The following HCLS1 variants were observed in gnomAD, a reference collection of about 807,000 sequenced individuals.
HCLS1 encodes hematopoietic cell-specific Lyn substrate 1.
In HCLS1, 44 loss-of-function variants were observed where a neutral mutation model predicts 68.6. The ratio of observed to expected loss-of-function variants is 0.64; its 90% CI spans 0.50 to 0.82. HCLS1 has a LOEUF of 0.82. Among genes scored for constraint, HCLS1 ranks in the 40% least tolerant of loss-of-function variants. HCLS1 has a pLI of 0.00. For synonymous variants in HCLS1, 217 were observed against 225.8 expected, an observed-to-expected ratio of 0.96 and a Z score of 0.35; for missense variants, 602 against 612.1, an observed-to-expected ratio of 0.98 and a Z score of 0.17.
intron 11 of HCLS1, 53 bp from the exon 12 acceptor site, chr3:121,632,616 A>C (rs1027499011): frequency 6.5e-7 from 1 of 1,532,794 alleles, no homozygotes; most frequent in East Asian, 2.2e-5. Flanking sequence ...GGAGGAATCA[A>C]TGGAGGACTG....
At chr3:121,657,142 G>C in intron 3 of HCLS1, 137 bp downstream of exon 3, 1 of 694,938 alleles carries the variant, frequency 1.4e-6, no homozygotes, top group Non-Finnish European at 2.5e-6. Flanking sequence ...ACAGACTCTA[G>C]AAAAAAAACA....
intron 8 of HCLS1, 113 bp downstream of exon 8, chr3:121,636,317 CTCTG>C: frequency 4.9e-6 from 4 of 822,744 alleles, no homozygotes; most frequent in Non-Finnish European, 8.3e-6. Context: ...GCAGGACAGG[CTCTG>C]TGTGCCCAGC....
chr3:121,635,209 T>TTCTCTC (rs143095062), intron 9 of HCLS1, among the ~76,000 whole-genome samples: 1 of 136,274 alleles, frequency 7.3e-6, no homozygotes, highest in African/African-American at 2.8e-5. Flanking sequence ...TTTTCTTTCT[T>TTCTCTC]TCTCTCTCTC....
At chr3:121,636,905 A>G (rs539363398) in intron 7 of HCLS1, among the ~76,000 whole-genome samples, 23 of 151,698 alleles carry the variant, frequency 1.5e-4, no homozygotes, top group Admixed American at 6.6e-4. Context: ...TCCTTCCTCA[A>G]CGCCCCCTTC....
At chr3:121,645,444 CA>C (rs200000017) in intron 4 of HCLS1, among the ~76,000 whole-genome samples, 1 of 151,572 alleles carries the variant, frequency 6.6e-6, no homozygotes, top group South Asian at 2.1e-4. Context: ...GACATGTATA[CA>C]AAAAAAATCA....
chr3:121,637,116 G>C (rs746254607), intron 7 of HCLS1, 30 bp downstream of exon 7: 2 of 1,451,388 alleles, frequency 1.4e-6, no homozygotes, highest in Admixed American at 3.3e-5. Flanking sequence ...TGTGCTATCT[G>C]TGACCTTCCC....
At position 121,636,445 on chromosome 3, in the gene HCLS1, G is replaced by C; in HGVS notation, c.610C>G (p.Arg204Gly). The change falls in exon 8 of 14, where the codon CGA becomes GGA. Residue 204 changes from arginine to glycine, a missense_variant. Coordinates refer to ENST00000314583, the MANE Select transcript of HCLS1 (RefSeq NM_005335.6). The part of the protein sequence containing the change: ...FGGQYGIQKD[R>G]VDKSAVGFNE... ...TTCCGGTGCTTTACCTTATCCACTC[G>C]GTCCTTCTGGATTCCATACTGGCCA... 1 of 1,613,140 alleles carries C rather than the reference G, an allele frequency of 6.2e-7. No individual in the cohort carries two copies. Among genetic ancestry groups the C allele is most frequent in the South Asian group, 1.1e-5 (1 of 91,052 alleles).
chr3:121,650,712 G>A (rs1053703087), intron 3 of HCLS1, among the ~76,000 whole-genome samples: 41 of 152,144 alleles, frequency 2.7e-4, no homozygotes, highest in Non-Finnish European at 6.0e-4. Context: ...AAACATCAAA[G>A]AAAGTCTTCA....
chr3:121,647,761 C>T (rs1937644414), intron 3 of HCLS1, among the ~76,000 whole-genome samples: 1 of 152,144 alleles, frequency 6.6e-6, no homozygotes, highest in Non-Finnish European at 1.5e-5. Flanking sequence ...ATTCTGATAA[C>T]TGGAAAGTTA....
At chr3:121,646,409 TA>T (rs1937606605) in intron 4 of HCLS1, among the ~76,000 whole-genome samples, 1 of 91,760 alleles carries the variant, frequency 1.1e-5, no homozygotes, top group Non-Finnish European at 1.9e-5. Flanking sequence ...ATATATTACA[TA>T]GTAATAATAT....
At chr3:121,657,176 A>G in intron 3 of HCLS1, 103 bp downstream of exon 3, 1 of 886,510 alleles carries the variant, frequency 1.1e-6, no homozygotes, top group South Asian at 1.5e-5. Flanking sequence ...ATAGACATGA[A>G]CTACCCTATC....
rs1267864347 is a variant in HCLS1 at position 121,631,424 on chromosome 3, AT to A, written c.*421del. 6.2e-6 allele frequency: 1 copy of A among 162,430 alleles called. No individual in the cohort carries two copies. Among genetic ancestry groups the A allele is most frequent in the African/African-American group, 2.4e-5 (1 of 40,834 alleles). 10.1% of individuals were successfully genotyped at this position (162,430 alleles called of 1,614,324 possible). On this transcript the variant is annotated 3_prime_UTR_variant, in exon 14 of 14. Transcript: ENST00000314583. Reference sequence around the variant, plus strand: ...TACAGGTGAACCATAGTCTCACTTTATTTCGAATTTTAGGACTGAACAGAAA... The same window carrying A: ...TACAGGTGAACCATAGTCTCACTTTATTCGAATTTTAGGACTGAACAGAAA...
Position 121,632,112 on chromosome 3 carries a change from T to C in HCLS1, c.1313A>G (p.Asp438Gly). The C allele has an allele frequency of 6.2e-7, 1 of 1,613,956 alleles. No homozygotes were observed. Among genetic ancestry groups the C allele is most frequent in the South Asian group, 1.1e-5 (1 of 91,060 alleles). Residue 438 changes from aspartate (D) to glycine (G), a missense_variant, in exon 13 of 14, where the codon GAT (aspartate) becomes GGT (glycine). Coordinates refer to ENST00000314583, the MANE Select transcript of HCLS1 (RefSeq NM_005335.6). ...ALGISAVAVY[D>G]YQGEGSDELS... Reference sequence around the variant, plus strand: ...CACTCCCAACCTACCTCCTTGGTAATCATATACAGCCACAGCTGAGATCCC... The same window carrying C: ...CACTCCCAACCTACCTCCTTGGTAACCATATACAGCCACAGCTGAGATCCC...
chr3:121,633,072 G>A lies in HCLS1; in HGVS notation c.1003C>T (p.Pro335Ser), dbSNP rs2108855898. The A allele has an allele frequency of 6.2e-7, 1 of 1,606,344 alleles. No homozygotes were observed. Among genetic ancestry groups the A allele is most frequent in the East Asian group, 2.2e-5 (1 of 44,798 alleles). The change falls in exon 11 of 14, where the codon CCG becomes TCG. Residue 335 changes from proline to serine, a missense_variant. Transcript: ENST00000314583. The part of the protein sequence containing the change: ...VPLLPIRQTL[P>S]EDNEEPPALP... ...ATCTTTGGGGGTTTGCTTACCTCCG[G>A]GAGAGTCTGCCTAATGGGCAGCAAG...
At chr3:121,653,666 C>T (rs11714406) in intron 3 of HCLS1, 33,483 of 152,060 alleles carry the variant, frequency 0.22, 4,237 homozygotes, top group Non-Finnish European at 0.29. Context: ...GGAATCAGTC[C>T]CTAGAGCTCC....
At chr3:121,658,095 G>C (rs1030904812) in intron 2 of HCLS1, 169 bp downstream of exon 2, 1 of 608,632 alleles carries the variant, frequency 1.6e-6, no homozygotes. Context: ...CAGGTATCGT[G>C]CATGCCCCAC....
rs755927429 is a variant in HCLS1 at position 121,632,443 on chromosome 3, C to A, written c.1129G>T (p.Asp377Tyr). The A allele has an allele frequency of 6.2e-7, 1 of 1,613,952 alleles. No individual in the cohort carries two copies. The highest frequency in any genetic ancestry group is 8.5e-7 in the Non-Finnish European group (1 of 1,179,846). Residue 377 changes from aspartate (D) to tyrosine (Y), a missense_variant, in exon 12 of 14, where the codon GAC becomes TAC. By Grantham distance (160) the Asp-to-Tyr change is radical. Coordinates refer to ENST00000314583, the MANE Select transcript of HCLS1 (RefSeq NM_005335.6). ...TCCATCTCCTCAACGTCCTCATAGT[C>A]ATTCTCAGGCTCGGGCTCAGGCTCG... ...EPEPEPEPEN[D>Y]YEDVEEMDRH... is the part of the protein sequence containing the mutation.
intron 10 of HCLS1, 22 bp from the exon 11 acceptor site, chr3:121,633,193 T>G: frequency 1.4e-6 from 2 of 1,470,434 alleles, no homozygotes; most frequent in Non-Finnish European, 1.9e-6. Context: ...GAAGCATCTC[T>G]CAAGTAAGCA....
At chr3:121,655,665 G>A (rs1469277836) in intron 3 of HCLS1, 9 of 142,734 alleles carry the variant, frequency 6.3e-5, no homozygotes, top group Admixed American at 1.4e-4. Context: ...TTCAGAAAAG[G>A]AAAAGGGTCT....
Sources: allele counts gnomAD v4.1 joint callset (sites outside exome capture counted in the v4.1 genomes callset), GRCh38; gene constraint gnomAD v4.1.1; transcripts MANE v1.5; gene names NCBI Gene and HGNC (gene_info 2026-07-23, HGNC 2026-07-21).